Variants in PDGFD observed in about 807,000 individuals in gnomAD.
PDGFD encodes platelet derived growth factor D.
In PDGFD, 30 loss-of-function variants were observed where a neutral mutation model predicts 44.7. The ratio of observed to expected loss-of-function variants is 0.67; its 90% CI spans 0.50 to 0.91. PDGFD has a LOEUF of 0.91. Ranked by LOEUF, PDGFD falls within the 40% of genes least tolerant of loss-of-function variation. The probability of loss-of-function intolerance (pLI) is 0.00; values close to 1 mark genes in which losing one functional copy is unlikely to be tolerated. For missense variants in PDGFD, 445 were observed against 457.8 expected, an observed-to-expected ratio of 0.97 and a Z score of 0.25; for synonymous variants, 173 against 168.4, an observed-to-expected ratio of 1.03 and a Z score of -0.21.
chr11:103,914,762 C>T (rs908057143), intron 6 of PDGFD, among the ~76,000 whole-genome samples: 1 of 152,116 alleles, frequency 6.6e-6, no homozygotes, highest in African/African-American at 2.4e-5. Flanking sequence ...ATCAAGTTGG[C>T]GTCATCCCTG....
intron 1 of PDGFD, among the ~76,000 whole-genome samples, chr11:104,128,184 C>T (rs765979556): frequency 3.2e-4 from 42 of 131,466 alleles, no homozygotes; most frequent in Admixed American, 5.7e-4. Context: ...GAAGGAGAGA[C>T]GAGTATAAAG....
At chr11:103,943,391 C>T (rs1250143906) in intron 5 of PDGFD, 61 bp downstream of exon 5, 1 of 1,481,114 alleles carries the variant, frequency 6.8e-7, no homozygotes, top group African/African-American at 1.4e-5. Flanking sequence ...AAGGGATACT[C>T]AGCTTGTACT....
intron 3 of PDGFD, among the ~76,000 whole-genome samples, chr11:103,974,292 G>A (rs1363317542): frequency 6.6e-6 from 1 of 151,910 alleles, no homozygotes; most frequent in Non-Finnish European, 1.5e-5. Flanking sequence ...GATGGGATGG[G>A]GACTAACATT....
chr11:104,092,396 C>T (rs778313827), intron 1 of PDGFD, among the ~76,000 whole-genome samples: 2 of 152,096 alleles, frequency 1.3e-5, no homozygotes, highest in South Asian at 2.1e-4. Flanking sequence ...TGTCTGTGAT[C>T]GCACCCAGCA....
At chr11:104,088,230 G>T (rs1861162999) in intron 1 of PDGFD, among the ~76,000 whole-genome samples, 1 of 152,144 alleles carries the variant, frequency 6.6e-6, no homozygotes, top group African/African-American at 2.4e-5. Context: ...TATATTCTTA[G>T]TTAAAATGCA....
rs1262144990 is a variant in PDGFD at position 104,080,486 on chromosome 11, G to A, written c.125-80231C>T. ...AATATACCAGCACAGGGTCTAAAAT[G>A]TCTGACAACTGGGCTGAATTGGAGA... On this transcript the variant is annotated intron_variant, in intron 1 of 6. Transcript: ENST00000393158. Among the ~76,000 whole-genome samples the A allele has an allele frequency of 3.3e-5, 5 of 152,182 alleles. 1 individual carries two copies. The South Asian group carries it at 1.0e-3, about 32-fold the overall frequency.
At chr11:104,107,504 C>G (rs539432741) in intron 1 of PDGFD, among the ~76,000 whole-genome samples, 2 of 152,110 alleles carry the variant, frequency 1.3e-5, no homozygotes, top group Non-Finnish European at 2.9e-5. Flanking sequence ...TTCTGAGTCA[C>G]CAAATCTGTG....
At chr11:104,111,752 C>CT in intron 1 of PDGFD, among the ~76,000 whole-genome samples, 1 of 152,074 alleles carries the variant, frequency 6.6e-6, no homozygotes, top group East Asian at 1.9e-4. Context: ...TTTTAGGAGT[C>CT]TAAGTAGAGT....
At chr11:104,110,900 G>C (rs528924467) in intron 1 of PDGFD, among the ~76,000 whole-genome samples, 3 of 152,080 alleles carry the variant, frequency 2.0e-5, no homozygotes, top group Admixed American at 1.3e-4. Flanking sequence ...GGAATAGAAG[G>C]AATAAAAACT....
intron 3 of PDGFD, among the ~76,000 whole-genome samples, chr11:103,969,737 A>T (rs1470739033): frequency 1.3e-5 from 2 of 151,888 alleles, no homozygotes; most frequent in African/African-American, 4.8e-5. Flanking sequence ...CACTACCCAT[A>T]TTTGGCTTAA....
intron 1 of PDGFD, among the ~76,000 whole-genome samples, chr11:104,044,598 T>C (rs1220135855): frequency 6.6e-6 from 1 of 152,072 alleles, no homozygotes; most frequent in Non-Finnish European, 1.5e-5. Flanking sequence ...TTTGCATGTA[T>C]AAATGTACAT....
intron 3 of PDGFD, among the ~76,000 whole-genome samples, chr11:103,949,258 C>T (rs1340138923): frequency 3.3e-5 from 5 of 152,076 alleles, no homozygotes; most frequent in Non-Finnish European, 5.9e-5. Flanking sequence ...CCACCTCGGC[C>T]CCCCAAAGTG....
At chr11:103,977,877 G>A (rs1041109502) in intron 3 of PDGFD, among the ~76,000 whole-genome samples, 4 of 152,024 alleles carry the variant, frequency 2.6e-5, no homozygotes, top group East Asian at 1.9e-4. Context: ...ATGATAAGAT[G>A]AGGTTGTTGT....
chr11:104,071,760 A>G (rs1485122511), intron 1 of PDGFD, among the ~76,000 whole-genome samples: 1 of 151,656 alleles, frequency 6.6e-6, no homozygotes, highest in East Asian at 1.9e-4. Context: ...TTAATAAGGA[A>G]GTCACCTATG....
chr11:104,112,373 T>C (rs1234781915), intron 1 of PDGFD, among the ~76,000 whole-genome samples: 1 of 152,102 alleles, frequency 6.6e-6, no homozygotes, highest in East Asian at 1.9e-4. Context: ...CACTTTTGAA[T>C]GGGGTTGTTA....
At chr11:103,918,217 T>C (rs1385566162) in intron 6 of PDGFD, among the ~76,000 whole-genome samples, 1 of 152,192 alleles carries the variant, frequency 6.6e-6, no homozygotes, top group Non-Finnish European at 1.5e-5. Context: ...TGATAGTTGA[T>C]TCTATTATCA....
chr11:104,148,466 T>C (rs1862195366), intron 1 of PDGFD, among the ~76,000 whole-genome samples: 1 of 152,166 alleles, frequency 6.6e-6, no homozygotes, highest in Admixed American at 6.6e-5. Flanking sequence ...GTATTGTAAG[T>C]ATAAAATTCA....
intron 1 of PDGFD, among the ~76,000 whole-genome samples, chr11:104,101,972 C>G (rs1404025600): frequency 6.6e-6 from 1 of 151,906 alleles, no homozygotes; most frequent in East Asian, 1.9e-4. Context: ...ACCATAAAAA[C>G]CCTAGAAGAA....
At chr11:104,115,501 T>G (rs1861622652) in intron 1 of PDGFD, among the ~76,000 whole-genome samples, 1 of 151,972 alleles carries the variant, frequency 6.6e-6, no homozygotes, top group Admixed American at 6.6e-5. Context: ...TAAACATGTG[T>G]GCGCAAGCAT....
Sources: gnomAD v4.1 joint callset for allele counts (sites outside exome capture counted in the v4.1 genomes callset) on GRCh38, gnomAD v4.1.1 for gene constraint, MANE v1.5 for transcripts, NCBI Gene and HGNC (gene_info 2026-07-23, HGNC 2026-07-21) for gene names.